Variants in TMEM229B observed in about 807,000 individuals in gnomAD.
The protein encoded by TMEM229B is chromosome 14 open reading frame 83.
Under a neutral mutation model 13.7 loss-of-function variants are expected in TMEM229B, and 6 were observed. The ratio of observed to expected loss-of-function variants is 0.44; its 90% CI spans 0.24 to 0.86. TMEM229B has a LOEUF of 0.86. Among genes scored for constraint, TMEM229B ranks in the 40% least tolerant of loss-of-function variants. The pLI is 0.23. For synonymous variants in TMEM229B, 107 were observed against 102.1 expected, an observed-to-expected ratio of 1.05 and a Z score of -0.29; for missense variants, 170 against 236.0, an observed-to-expected ratio of 0.72 and a Z score of 1.83.
At chr14:67,488,173 C>A (rs2031985076) in intron 1 of TMEM229B, among the ~76,000 whole-genome samples, 1 of 152,198 alleles carries the variant, frequency 6.6e-6, no homozygotes, top group Admixed American at 6.5e-5. Flanking sequence ...GATGACCAGG[C>A]AGGATGGACC....
intron 1 of TMEM229B, among the ~76,000 whole-genome samples, chr14:67,525,600 G>A (rs11158679): frequency 0.28 from 42,550 of 152,178 alleles, 7,397 homozygotes; most frequent in Admixed American, 0.37. Context: ...CCATGTCAGC[G>A]AAAGGAGATT....
Position 67,470,652 on chromosome 14 carries a change from G to C in TMEM229B, c.*2768C>G, listed in dbSNP as rs1031630308. On this transcript the variant is annotated 3_prime_UTR_variant, in exon 3 of 3. Transcript: ENST00000554480. ...CGCAGAGTGAGGGACCAGGACAAAA[G>C]GGCTTCATGGGGACTCCCTAGGTAT... 6.5e-6 allele frequency: 1 copy of C among 152,770 alleles called. No homozygotes were observed. The highest frequency in any genetic ancestry group is 2.4e-5 in the African/African-American group (1 of 41,446). 9.5% of individuals were successfully genotyped at this position (152,770 alleles called of 1,614,324 possible). A position where few individuals can be genotyped will look rare whatever the true frequency, so the allele number is the denominator to read the frequency against.
chr14:67,478,684 C>T (rs1218714692), intron 2 of TMEM229B, among the ~76,000 whole-genome samples: 1 of 152,206 alleles, frequency 6.6e-6, no homozygotes, highest in South Asian at 2.1e-4. Context: ...AGATCTCTAC[C>T]TTGCTGTTTT....
intron 1 of TMEM229B, among the ~76,000 whole-genome samples, chr14:67,527,836 A>T (rs551430779): frequency 6.6e-6 from 1 of 152,326 alleles, no homozygotes; most frequent in East Asian, 1.9e-4. Flanking sequence ...GCTGAGCAAG[A>T]ACTCACTCAC....
chr14:67,506,575 A>C (rs2032833558), intron 1 of TMEM229B, among the ~76,000 whole-genome samples: 1 of 152,238 alleles, frequency 6.6e-6, no homozygotes, highest in Non-Finnish European at 1.5e-5. Context: ...AATGTAAGAC[A>C]GGTAGGGATG....
rs990028580 is a variant in TMEM229B, at chr14:67,470,684, T to C, written c.*2736A>G. The C allele has an allele frequency of 3.3e-5, 5 of 151,780 alleles. No homozygotes were observed. Among genetic ancestry groups the C allele is most frequent in the African/African-American group, 1.2e-4 (5 of 40,568 alleles). 9.4% of individuals were successfully genotyped at this position (151,780 alleles called of 1,614,324 possible). On this transcript the variant is annotated 3_prime_UTR_variant, in exon 3 of 3. Transcript: ENST00000554480. ...ATGGGGACTCCCTAGGTATTATTGC[T>C]GTGAATAAGCATAGGCCATTGTGAC...
intron 1 of TMEM229B, among the ~76,000 whole-genome samples, chr14:67,527,988 G>A (rs145871345): frequency 6.6e-5 from 10 of 152,242 alleles, no homozygotes; most frequent in African/African-American, 1.7e-4. Context: ...ACTCCTCCAC[G>A]CTCTCCCTCT....
chr14:67,471,375 G>A lies in TMEM229B; in HGVS notation c.*2045C>T, dbSNP rs1375403260. 1 of 152,244 alleles carries A rather than the reference G, an allele frequency of 6.6e-6. No homozygotes were observed. The highest frequency in any genetic ancestry group is 6.5e-5 in the Admixed American group (1 of 15,272). 9.4% of individuals were successfully genotyped at this position (152,244 alleles called of 1,614,324 possible). A position where few individuals can be genotyped will look rare whatever the true frequency, so the allele number is the denominator to read the frequency against. On this transcript the variant is annotated 3_prime_UTR_variant, in exon 3 of 3. Transcript: ENST00000554480. Reference sequence around the variant, plus strand: ...TAGGGGCCCACATGGAAGGCCTGAAGGGGTGCTGGGAGACTAAGACAACAT... The same window carrying A: ...TAGGGGCCCACATGGAAGGCCTGAAAGGGTGCTGGGAGACTAAGACAACAT...
In TMEM229B at chr14:67,473,253, C is replaced by T. The variant is rs1384304335; in HGVS notation, c.*167G>A. 6 of 890,680 alleles carry T rather than the reference C, an allele frequency of 6.7e-6. No homozygotes were observed. The highest frequency in any genetic ancestry group is 1.7e-5 in the South Asian group (1 of 57,498). 55.2% of individuals were successfully genotyped at this position (890,680 alleles called of 1,614,324 possible). A position where few individuals can be genotyped will look rare whatever the true frequency, so the allele number is the denominator to read the frequency against. ...CCCATCCCCCAACACCTGACCACGG[C>T]CCCCCAACACCGGCCCCCGCGGACG... On this transcript the variant is annotated 3_prime_UTR_variant, in exon 3 of 3. Coordinates refer to ENST00000554480, the MANE Select transcript of TMEM229B (RefSeq NM_001348543.2). The surrounding 1 kb of genome is among the most constrained non-coding windows in gnomAD (Gnocchi z 6.5).
At chr14:67,486,771 T>A (rs1050120405) in intron 2 of TMEM229B, among the ~76,000 whole-genome samples, 3 of 152,178 alleles carry the variant, frequency 2.0e-5, no homozygotes, top group Non-Finnish European at 4.4e-5. Flanking sequence ...GAAAACAAAC[T>A]AATACACTGG....
chr14:67,499,922 G>A (rs145164010), intron 1 of TMEM229B, among the ~76,000 whole-genome samples: 59 of 152,252 alleles, frequency 3.9e-4, no homozygotes, highest in African/African-American at 1.3e-3. Context: ...TGGGGGCTGC[G>A]GATTAAGGAG....
chr14:67,500,484 C>CAAAACA lies in TMEM229B; in HGVS notation c.-191-13318_-191-13313dup, dbSNP rs953488850. Among the ~76,000 whole-genome samples the CAAAACA allele has an allele frequency of 4.6e-5, 7 of 151,732 alleles. No homozygotes were observed. The East Asian group carries it at 9.7e-4, about 21-fold the overall frequency. Reference sequence around the variant, plus strand: ...GAGTGACACTCCATCTCAAACAAAACAAAACAAAAACAAAAACACAATAGA... The same window carrying CAAAACA: ...GAGTGACACTCCATCTCAAACAAAACAAAACAAAAACAAAAACAAAAACACAATAGA... On this transcript the variant is annotated intron_variant, in intron 1 of 2. Transcript: ENST00000357461.
intron 1 of TMEM229B, among the ~76,000 whole-genome samples, chr14:67,530,988 T>A (rs2033434962): frequency 6.6e-6 from 1 of 152,250 alleles, no homozygotes; most frequent in South Asian, 2.1e-4. Flanking sequence ...CAAGTCCCCA[T>A]CCCGGCCTCA....
chr14:67,522,252 C>T (rs1460429712), intron 1 of TMEM229B, among the ~76,000 whole-genome samples: 3 of 152,204 alleles, frequency 2.0e-5, no homozygotes, highest in Non-Finnish European at 4.4e-5. Flanking sequence ...TATCCCCGTA[C>T]CCGCTCCTCT....
Position 67,527,663 on chromosome 14 carries a change from A to T in TMEM229B, c.-192+5973T>A, listed in dbSNP as rs563317705. 5.3e-5 allele frequency among the ~76,000 whole-genome samples: 8 copies of T among 152,300 alleles called. No individual in the cohort carries two copies. In the East Asian group the frequency reaches 1.5e-3, roughly 29 times the overall value. On this transcript the variant is annotated intron_variant, in intron 1 of 2. Transcript: ENST00000554278. ...CAGATAAACCAACAATGTGTTTTGT[A>T]CCGCAGCAGCCCCTCATTCCCCAGC...
At chr14:67,527,010 G>A (rs982429621) in intron 1 of TMEM229B, among the ~76,000 whole-genome samples, 2 of 152,166 alleles carry the variant, frequency 1.3e-5, no homozygotes, top group Non-Finnish European at 2.9e-5. Context: ...CAGGGCAGAG[G>A]GAGCTGCAAT....
chr14:67,499,454 C>T (rs1199754561), intron 1 of TMEM229B, among the ~76,000 whole-genome samples: 1 of 152,106 alleles, frequency 6.6e-6, no homozygotes, highest in Non-Finnish European at 1.5e-5. Context: ...AGCATAGTGA[C>T]AATAGGTAGA....
chr14:67,513,479 G>A (rs1170061698), intron 1 of TMEM229B, among the ~76,000 whole-genome samples: 1 of 152,164 alleles, frequency 6.6e-6, no homozygotes. Flanking sequence ...GTACCTATAA[G>A]TGGCCAAAAT....
chr14:67,515,407 C>CTGG (rs1555362326), exon 1 of TMEM229B: 1 of 176,184 alleles, frequency 5.7e-6, no homozygotes, highest in African/African-American at 2.4e-5. Flanking sequence ...AAAGGAGCCC[C>CTGG]CGGCGGCGGC....
Sources: gnomAD v4.1 joint callset for allele counts (sites outside exome capture counted in the v4.1 genomes callset) on GRCh38, gnomAD v4.1.1 for gene constraint, Gnocchi (gnomAD v3.1) non-coding constraint, MANE v1.5 for transcripts, NCBI Gene and HGNC (gene_info 2026-07-23, HGNC 2026-07-21) for gene names.